The following DPP8 variants were observed in gnomAD, a reference collection of about 807,000 sequenced individuals.
The protein encoded by DPP8 is DPP VIII.
Under a neutral mutation model 107.5 loss-of-function variants are expected in DPP8, and 31 were observed. The ratio of observed to expected loss-of-function variants is 0.29; its 90% CI spans 0.22 to 0.39. The LOEUF is 0.39. DPP8 is among the 10% of genes least tolerant of loss of function. The pLI is 1.00. For synonymous variants in DPP8, 381 were observed against 356.6 expected (o/e 1.07, Z -0.77); for missense variants, 842 against 1,076.1 (o/e 0.78, Z 3.04).
chr15:65,487,952 G>C (rs1276486607), intron 6 of DPP8, 134 bp from the exon 7 acceptor site: 11 of 645,358 alleles, frequency 1.7e-5, no homozygotes, highest in Non-Finnish European at 2.6e-5. Flanking sequence ...CTTTTTTGTA[G>C]GAAAATATCA....
chr15:65,499,777 G>A (rs1200137783), intron 4 of DPP8, among the ~76,000 whole-genome samples: 2 of 151,696 alleles, frequency 1.3e-5, no homozygotes, highest in African/African-American at 2.4e-5. Context: ...GTTTCCCCAC[G>A]CTGGTCTGGA....
intron 2 of DPP8, among the ~76,000 whole-genome samples, chr15:65,510,614 C>T (rs1161850349): frequency 6.6e-6 from 1 of 152,122 alleles, no homozygotes; most frequent in East Asian, 1.9e-4. Flanking sequence ...TCTCAGCTCA[C>T]TGCAACCTCC....
intron 11 of DPP8, among the ~76,000 whole-genome samples, chr15:65,474,682 C>T (rs545482882): frequency 2.0e-5 from 3 of 152,208 alleles, no homozygotes; most frequent in Non-Finnish European, 2.9e-5. Flanking sequence ...ATATTGCCCA[C>T]GCTGGTCTTG....
chr15:65,457,341 G>A (rs1461407743), intron 15 of DPP8, among the ~76,000 whole-genome samples: 1 of 152,016 alleles, frequency 6.6e-6, no homozygotes, highest in Non-Finnish European at 1.5e-5. Flanking sequence ...GGGCAACACA[G>A]TGAGACTCTG....
chr15:65,485,669 A>G (rs139473719), intron 7 of DPP8, among the ~76,000 whole-genome samples: 1 of 152,218 alleles, frequency 6.6e-6, no homozygotes, highest in African/African-American at 2.4e-5. Flanking sequence ...GTCAAGAGTA[A>G]CGTATATGCC....
intron 11 of DPP8, among the ~76,000 whole-genome samples, chr15:65,477,529 ATTTT>A (rs1174774140): frequency 2.1e-5 from 3 of 139,866 alleles, no homozygotes; most frequent in Non-Finnish European, 3.1e-5. Context: ...CTTTTCCACA[ATTTT>A]TTTTTTTTTT....
At chr15:65,486,134 T>C (rs1354365481) in intron 7 of DPP8, among the ~76,000 whole-genome samples, 3 of 145,338 alleles carry the variant, frequency 2.1e-5, no homozygotes, top group Non-Finnish European at 3.0e-5. Flanking sequence ...CCGGGCGCAG[T>C]GGCTCAGGCC....
At chr15:65,494,149 C>CTT (rs542314824) in intron 5 of DPP8, among the ~76,000 whole-genome samples, 1 of 123,294 alleles carries the variant, frequency 8.1e-6, no homozygotes, top group Non-Finnish European at 1.6e-5. Flanking sequence ...GTTCTATATC[C>CTT]TTTTTTTTTT....
At chr15:65,489,670 A>G (rs1430576165) in intron 6 of DPP8, among the ~76,000 whole-genome samples, 3 of 148,452 alleles carry the variant, frequency 2.0e-5, no homozygotes, top group Non-Finnish European at 4.4e-5. Context: ...CACCTGCCTC[A>G]GCCTTCCAAA....
chr15:65,510,408 T>A (rs1035901923), intron 2 of DPP8, among the ~76,000 whole-genome samples: 2 of 151,848 alleles, frequency 1.3e-5, no homozygotes, highest in East Asian at 3.9e-4. Context: ...AGGCTTCAAA[T>A]CATTAAGAAA....
At chr15:65,481,693 T>C in intron 8 of DPP8, 78 bp from the exon 9 acceptor site, 3 of 904,294 alleles carry the variant, frequency 3.3e-6, no homozygotes, top group South Asian at 3.8e-5. Flanking sequence ...ACTTTAACAA[T>C]TTATCCAAAA....
At chr15:65,461,750 C>T (rs1437609378) in intron 15 of DPP8, among the ~76,000 whole-genome samples, 1 of 151,918 alleles carries the variant, frequency 6.6e-6, no homozygotes, top group African/African-American at 2.4e-5. Flanking sequence ...ACTATAGGCA[C>T]TTGCCACCAC....
chr15:65,484,248 C>T (rs910916116), intron 8 of DPP8, among the ~76,000 whole-genome samples: 1 of 151,558 alleles, frequency 6.6e-6, no homozygotes, highest in Non-Finnish European at 1.5e-5. Flanking sequence ...ATCATGTGAA[C>T]CCAGAAGGCA....
At chr15:65,495,683 G>A (rs189503522) in intron 5 of DPP8, among the ~76,000 whole-genome samples, 40 of 151,764 alleles carry the variant, frequency 2.6e-4, no homozygotes, top group African/African-American at 8.0e-4. Flanking sequence ...GGTGTATCAC[G>A]AGGTCAGAAG....
chr15:65,481,456 T>G, intron 9 of DPP8, 59 bp downstream of exon 9: 7 of 1,206,270 alleles, frequency 5.8e-6, no homozygotes, highest in Non-Finnish European at 8.3e-6. Context: ...ATAGCACAAA[T>G]ATTCCAAAGC....
At chr15:65,515,637 T>C (rs2071358871) in intron 1 of DPP8, 3 of 1,611,468 alleles carry the variant, frequency 1.9e-6, no homozygotes, top group Non-Finnish European at 2.5e-6. Context: ...GTCACTTAAG[T>C]AGTTTCCCTG....
intron 17 of DPP8, among the ~76,000 whole-genome samples, chr15:65,452,971 AAAAAT>A (rs1296216375): frequency 2.0e-5 from 3 of 152,174 alleles, no homozygotes; most frequent in Non-Finnish European, 4.4e-5. Context: ...TCTGTCTCAA[AAAAAT>A]AAAATAAAAT....
In DPP8 at chr15:65,512,375, A is replaced by G; in HGVS notation, c.179T>C (p.Met60Thr). 6.2e-7 allele frequency: 1 copy of G among 1,614,140 alleles called. No individual in the cohort carries two copies. The highest frequency in any genetic ancestry group is 8.5e-7 in the Non-Finnish European group (1 of 1,180,032). ...ADTRKYHGYM[M>T]AKAPHDFMFV... Reference sequence around the variant, plus strand: ...CATGAAATCATGTGGTGCCTTAGCCATCATGTAGCCATGATATTTTCTGGT... The same window carrying G: ...CATGAAATCATGTGGTGCCTTAGCCGTCATGTAGCCATGATATTTTCTGGT... Residue 60 changes from methionine (M) to threonine (T), a missense_variant, in exon 2 of 20, where the codon ATG (methionine) becomes ACG (threonine). Physicochemically the swap from Met to Thr is moderately conservative, Grantham distance 81. Transcript: ENST00000300141.
chr15:65,471,981 A>G (rs2065935213), intron 12 of DPP8, among the ~76,000 whole-genome samples: 1 of 152,186 alleles, frequency 6.6e-6, no homozygotes, highest in Non-Finnish European at 1.5e-5. Context: ...TACCTCAACT[A>G]TATGTGTCAC....
Sources: allele counts gnomAD v4.1 joint callset (sites outside exome capture counted in the v4.1 genomes callset), GRCh38; gene constraint gnomAD v4.1.1; transcripts MANE v1.5; gene names NCBI Gene and HGNC (gene_info 2026-07-23, HGNC 2026-07-21).